The following GHITM variants were observed in gnomAD, a reference collection of about 807,000 sequenced individuals.
GHITM encodes the protein growth hormone inducible transmembrane protein.
In GHITM, 24 loss-of-function variants were observed where a neutral mutation model predicts 38.7. That is an observed-to-expected ratio of 0.62 (90% CI 0.45 to 0.87). GHITM has a LOEUF of 0.87. GHITM is among the 40% of genes least tolerant of loss of function. The pLI is 0.00. For synonymous variants in GHITM, 154 were observed against 147.8 expected (o/e 1.04, Z -0.30); for missense variants, 420 against 429.8 (o/e 0.98, Z 0.20).
intron 5 of GHITM, among the ~76,000 whole-genome samples, chr10:84,147,502 G>C (rs902893914): frequency 6.6e-6 from 1 of 152,208 alleles, no homozygotes; most frequent in Non-Finnish European, 1.5e-5. Flanking sequence ...TCATAGGTGA[G>C]ACAGATAATA....
chr10:84,148,535 A>G (rs1841579887), intron 5 of GHITM, among the ~76,000 whole-genome samples, 195 bp from the exon 6 acceptor site: 1 of 152,320 alleles, frequency 6.6e-6, no homozygotes, highest in African/African-American at 2.4e-5. Context: ...ACCTCAGGTG[A>G]TCCACCTGCC....
intron 6 of GHITM, among the ~76,000 whole-genome samples, chr10:84,149,320 G>A (rs1841587616): frequency 6.6e-6 from 1 of 152,182 alleles, no homozygotes; most frequent in Non-Finnish European, 1.5e-5. Flanking sequence ...TCATCATCAT[G>A]AGATAGTATA....
In GHITM at chr10:84,148,234, A is replaced by AT. The variant is rs377282140; in HGVS notation, c.484-495dup. On this transcript the variant is annotated intron_variant, in intron 5 of 8. Coordinates refer to ENST00000372134, the MANE Select transcript of GHITM (RefSeq NM_014394.3). ...GTGCTAACTTAGCCAAAACTCTGAAATAAACCCAGAGCTTTTAATGTGCCA... is the reference window on the plus strand; with the variant it reads ...GTGCTAACTTAGCCAAAACTCTGAAATTAAACCCAGAGCTTTTAATGTGCCA... Among the ~76,000 whole-genome samples the AT allele has an allele frequency of 7.2e-4, 109 of 152,316 alleles. 1 individual carries two copies. The highest frequency in any genetic ancestry group is 2.8e-3 in the Admixed American group (43 of 15,306).
intron 6 of GHITM, among the ~76,000 whole-genome samples, chr10:84,149,596 T>A (rs938576095): frequency 6.6e-6 from 1 of 152,236 alleles, no homozygotes; most frequent in African/African-American, 2.4e-5. Context: ...TATAAGCTGT[T>A]AGCAGTCCTT....
At chr10:84,144,636 G>C (rs533517058) in intron 4 of GHITM, among the ~76,000 whole-genome samples, 2 of 152,288 alleles carry the variant, frequency 1.3e-5, no homozygotes, top group East Asian at 1.9e-4. Flanking sequence ...TTACAGGCAT[G>C]AGCCACCGCA....
rs1440155146 is a variant in GHITM at position 84,145,095 on chromosome 10, TAAATGGAAAGAATACTG to T, written c.483+80_483+96del. The stretch of plus-strand genomic sequence containing the variant: ...AAAATATATTGGAGGGAAGGGTTAT[TAAATGGAAAGAATACTG>T]TATTGAACAAGTTTTTGTTCAAATA... On this transcript the variant is annotated intron_variant, in intron 5 of 8. Transcript: ENST00000372134. 4.4e-6 allele frequency: 5 copies of T among 1,132,710 alleles called. No individual in the cohort carries two copies. The African/African-American group carries it at 7.8e-5, about 18-fold the overall frequency. The allele number at this position is 1,132,710 out of a possible 1,614,324, so 70.2% of individuals were successfully genotyped here.
Position 84,150,881 on chromosome 10 carries a change from G to C in GHITM, c.953+1G>C. On this transcript the variant is annotated splice_donor_variant, in intron 8 of 8. Coordinates refer to ENST00000372134, the MANE Select transcript of GHITM (RefSeq NM_014394.3). LOFTEE classifies it high-confidence loss of function. ...TTCAAAAATATGATCCCATTAACTC[G>C]TAAGTAATGCTTTTTATTTAACACT... is the stretch of plus-strand genomic sequence containing the variant. 2 of 1,577,264 alleles carry C rather than the reference G, an allele frequency of 1.3e-6. No homozygotes were observed. Among genetic ancestry groups the C allele is most frequent in the East Asian group, 4.5e-5 (2 of 44,690 alleles).
intron 5 of GHITM, among the ~76,000 whole-genome samples, chr10:84,145,513 TCAGA>T (rs937863703): frequency 6.6e-6 from 1 of 152,194 alleles, no homozygotes; most frequent in African/African-American, 2.4e-5. Flanking sequence ...GCAGCAGATA[TCAGA>T]CAGCCTCTAA....
chr10:84,142,589 C>G, intron 2 of GHITM, 66 bp from the exon 3 acceptor site: 1 of 984,340 alleles, frequency 1.0e-6, no homozygotes, highest in South Asian at 1.5e-5. Context: ...AGGGATCTTG[C>G]ATTTTATTTT....
At chr10:84,142,600 A>T (rs1589274507) in intron 2 of GHITM, 55 bp from the exon 3 acceptor site, 3 of 1,107,008 alleles carry the variant, frequency 2.7e-6, no homozygotes, top group Non-Finnish European at 2.7e-6. Flanking sequence ...ATTTTATTTT[A>T]TTAACGTTCT....
intron 5 of GHITM, among the ~76,000 whole-genome samples, 191 bp from the exon 6 acceptor site, chr10:84,148,539 A>G (rs1285645184): frequency 6.6e-6 from 1 of 152,168 alleles, no homozygotes; most frequent in Non-Finnish European, 1.5e-5. Flanking sequence ...CAGGTGATCC[A>G]CCTGCCCCAG....
intron 2 of GHITM, among the ~76,000 whole-genome samples, chr10:84,142,286 AG>A (rs1841514455): frequency 6.6e-6 from 1 of 152,232 alleles, no homozygotes; most frequent in African/African-American, 2.4e-5. Context: ...TAATGCTTGT[AG>A]AATGCATATC....
At chr10:84,145,816 T>G (rs527382070) in intron 5 of GHITM, among the ~76,000 whole-genome samples, 2 of 152,346 alleles carry the variant, frequency 1.3e-5, no homozygotes, top group South Asian at 4.1e-4. Flanking sequence ...TGAGAGTTTC[T>G]GTCTTGGACT....
rs1776733120 is a variant in GHITM, at chr10:84,152,706, TA to T, written c.*359del. ...AAAATTTAGCAAACCTGTGTTTGCA[TA>T]TTTTTTTGGAGTGCAGAATATTGTA... On this transcript the variant is annotated 3_prime_UTR_variant, in exon 9 of 9. Coordinates refer to ENST00000372134, the MANE Select transcript of GHITM (RefSeq NM_014394.3). The T allele has an allele frequency of 5.6e-6, 1 of 179,778 alleles. No homozygotes were observed. Among genetic ancestry groups the T allele is most frequent in the African/African-American group, 2.4e-5 (1 of 42,364 alleles). The allele number at this position is 179,778 out of a possible 1,614,324, so 11.1% of individuals were successfully genotyped here.
At chr10:84,142,418 A>G (rs766246656) in intron 2 of GHITM, among the ~76,000 whole-genome samples, 2 of 152,272 alleles carry the variant, frequency 1.3e-5, no homozygotes, top group Non-Finnish European at 2.9e-5. Context: ...AACTAAGAAT[A>G]ATATAATGAA....
At position 84,142,735 on chromosome 10, in the gene GHITM, G is replaced by A. The variant is rs35567829; in HGVS notation, c.210G>A (p.Ser70=). ...TCAAAGAGGCAGCATTGGAACCATC[G>A]ATGGAAAAAATATTTAAAAGTAGGT... ...QELKEAALEP[S]MEKIFKIDQM... is the part of the protein sequence containing the mutation. Residue 70 remains serine (S), a synonymous_variant, in exon 3 of 9, where the codon TCG becomes TCA. Transcript: ENST00000372134. 1.6e-3 allele frequency: 2,486 copies of A among 1,599,396 alleles called. 35 individuals are homozygous for A. The African/African-American group carries it at 0.03, about 19-fold the overall frequency.
intron 1 of GHITM, 100 bp from the exon 2 acceptor site, chr10:84,141,362 T>G (rs1426088010): frequency 2.2e-5 from 14 of 645,174 alleles, no homozygotes; most frequent in Non-Finnish European, 3.5e-5. Flanking sequence ...AAAAAATAGT[T>G]TGTTCCTTGA....
At chr10:84,152,083 A>T (rs186571620) in intron 8 of GHITM, among the ~76,000 whole-genome samples, 181 bp from the exon 9 acceptor site, 22 of 152,364 alleles carry the variant, frequency 1.4e-4, no homozygotes, top group African/African-American at 5.3e-4. Context: ...TGAGTCTGCC[A>T]AAAGGAAGAC....
chr10:84,152,776 G>A lies in GHITM; in HGVS notation c.*428G>A, dbSNP rs1055558238. On this transcript the variant is annotated 3_prime_UTR_variant, in exon 9 of 9. Transcript: ENST00000372134. Reference sequence around the variant, plus strand: ...TTGGAGCTTTGGTAAAGGGACCAGAGAGAAGGAGTCACCTGCAGTCTTTTG... The same window carrying A: ...TTGGAGCTTTGGTAAAGGGACCAGAAAGAAGGAGTCACCTGCAGTCTTTTG... The A allele has an allele frequency of 3.2e-5, 5 of 154,358 alleles. No homozygotes were observed. The highest frequency in any genetic ancestry group is 9.6e-5 in the African/African-American group (4 of 41,530). 9.6% of individuals were successfully genotyped at this position (154,358 alleles called of 1,614,324 possible). A position where few individuals can be genotyped will look rare whatever the true frequency, so the allele number is the denominator to read the frequency against.
Sources: allele counts gnomAD v4.1 joint callset (sites outside exome capture counted in the v4.1 genomes callset), GRCh38; gene constraint gnomAD v4.1.1; transcripts MANE v1.5; gene names NCBI Gene and HGNC (gene_info 2026-07-23, HGNC 2026-07-21).